Variants in IRAK2 observed in about 807,000 individuals in gnomAD.
IRAK2 encodes interleukin-1 receptor-associated kinase-like 2.
In IRAK2, 57 loss-of-function variants were observed where a neutral mutation model predicts 72.0. The ratio of observed to expected loss-of-function variants is 0.79; its 90% CI spans 0.64 to 0.99. The LOEUF (loss-of-function observed/expected upper bound fraction) is 0.99. Ranked by LOEUF, IRAK2 falls within the 50% of genes least tolerant of loss-of-function variation. The probability of loss-of-function intolerance (pLI) is 0.00; values close to 1 mark genes in which losing one functional copy is unlikely to be tolerated. For missense variants in IRAK2, 790 were observed against 794.4 expected, an observed-to-expected ratio of 0.99 and a Z score of 0.07; for synonymous variants, 293 against 312.7, an observed-to-expected ratio of 0.94 and a Z score of 0.67.
chr3:10,225,998 C>T (rs1209695437), intron 9 of IRAK2, among the ~76,000 whole-genome samples: 2 of 152,140 alleles, frequency 1.3e-5, no homozygotes, highest in Admixed American at 6.6e-5. Context: ...CGTGCCCAGC[C>T]AGCTGAAGGA....
At chr3:10,177,719 T>C in intron 1 of IRAK2, 119 bp from the exon 2 acceptor site, 2 of 941,972 alleles carry the variant, frequency 2.1e-6, no homozygotes, top group East Asian at 2.5e-5. Flanking sequence ...GTGTTTCCAG[T>C]GTGGAGGCGG....
In IRAK2 at chr3:10,200,460, T is replaced by A; in HGVS notation, c.369T>A (p.Ala123=). The change falls in exon 3 of 13, where the codon GCT becomes GCA. Residue 123 remains alanine, a synonymous_variant. Coordinates refer to ENST00000256458, the MANE Select transcript of IRAK2 (RefSeq NM_001570.4). ...EKPLAASVRK[A]EDEQEEGQPV... is the part of the protein sequence containing the mutation. Reference sequence around the variant, plus strand: ...CTTTGGCAGCTTCTGTAAGAAAGGCTGAGGATGAACAGGAAGAGGGGCAGC... The same window carrying A: ...CTTTGGCAGCTTCTGTAAGAAAGGCAGAGGATGAACAGGAAGAGGGGCAGC... The A allele has an allele frequency of 6.2e-7, 1 of 1,607,884 alleles. No individual in the cohort carries two copies. The highest frequency in any genetic ancestry group is 8.5e-7 in the Non-Finnish European group (1 of 1,174,920).
At chr3:10,212,609 A>AT (rs1343836934) in intron 4 of IRAK2, among the ~76,000 whole-genome samples, 1 of 152,156 alleles carries the variant, frequency 6.6e-6, no homozygotes, top group East Asian at 1.9e-4. Flanking sequence ...GAATACTCAC[A>AT]TCTTAGTCTT....
intron 10 of IRAK2, among the ~76,000 whole-genome samples, chr3:10,229,024 C>G (rs182205328): frequency 0.019 from 2,906 of 152,038 alleles, 79 homozygotes; most frequent in African/African-American, 0.063. Flanking sequence ...ACCTCCACCC[C>G]CCGGGTTCAA....
intron 2 of IRAK2, among the ~76,000 whole-genome samples, chr3:10,186,953 C>T (rs768227952): frequency 8.8e-5 from 13 of 147,802 alleles, no homozygotes; most frequent in South Asian, 4.2e-4. Flanking sequence ...GTGCAAACCA[C>T]CATGCCCAGC....
At chr3:10,237,805 CAAAAAAA>C (rs751642671) in intron 11 of IRAK2, among the ~76,000 whole-genome samples, 8 of 55,808 alleles carry the variant, frequency 1.4e-4, no homozygotes, top group Non-Finnish European at 1.2e-4. Flanking sequence ...GACTCTGTCT[CAAAAAAA>C]AAAAAAAAAA....
chr3:10,226,490 G>A, intron 10 of IRAK2, 57 bp downstream of exon 10: 1 of 1,420,696 alleles, frequency 7.0e-7, no homozygotes, highest in Non-Finnish European at 9.9e-7. Context: ...CAGCTCTGTA[G>A]AGAGGGCAAC....
At chr3:10,188,474 C>T (rs1053119236) in intron 2 of IRAK2, among the ~76,000 whole-genome samples, 4 of 152,062 alleles carry the variant, frequency 2.6e-5, no homozygotes, top group Admixed American at 2.6e-4. Flanking sequence ...GCTGGGATTA[C>T]AGGCATGCAC....
chr3:10,230,715 C>T (rs1408488446), intron 10 of IRAK2, among the ~76,000 whole-genome samples: 3 of 151,710 alleles, frequency 2.0e-5, no homozygotes, highest in Non-Finnish European at 4.4e-5. Flanking sequence ...ACCACAGGCA[C>T]GTGCCGCCAC....
At chr3:10,242,071 A>G in intron 12 of IRAK2, 45 bp from the exon 13 acceptor site, 4 of 1,079,036 alleles carry the variant, frequency 3.7e-6, no homozygotes, top group East Asian at 2.4e-5. Flanking sequence ...TAATAATAGT[A>G]ACTTTCATTC....
In IRAK2 at chr3:10,200,447, C is replaced by A. The variant is rs369276483; in HGVS notation, c.356C>A (p.Ser119Tyr). The change falls in exon 3 of 13, where the codon TCT becomes TAT. Residue 119 changes from serine (S) to tyrosine (Y), a missense_variant. Coordinates refer to ENST00000256458, the MANE Select transcript of IRAK2 (RefSeq NM_001570.4). Reference sequence around the variant, plus strand: ...AAGCCAGAAAAGCCTTTGGCAGCTTCTGTAAGAAAGGCTGAGGATGAACAG... The same window carrying A: ...AAGCCAGAAAAGCCTTTGGCAGCTTATGTAAGAAAGGCTGAGGATGAACAG... ...SVKPEKPLAA[S>Y]VRKAEDEQEE... 6.2e-7 allele frequency: 1 copy of A among 1,608,866 alleles called. No individual in the cohort carries two copies. The highest frequency in any genetic ancestry group is 1.3e-5 in the African/African-American group (1 of 74,998).
chr3:10,221,248 ATTTTTTT>A (rs34742796), intron 8 of IRAK2, among the ~76,000 whole-genome samples: 5 of 89,714 alleles, frequency 5.6e-5, no homozygotes, highest in Admixed American at 1.5e-4. Flanking sequence ...AAAAAAAAAA[ATTTTTTT>A]TTTTTTTTTT....
chr3:10,209,810 A>T (rs555097908), intron 4 of IRAK2, 118 bp downstream of exon 4: 1 of 528,052 alleles, frequency 1.9e-6, no homozygotes, highest in African/African-American at 1.9e-5. Flanking sequence ...GAGAAAGGAA[A>T]TTGCCATCAA....
At chr3:10,213,119 C>G in intron 4 of IRAK2, 88 bp from the exon 5 acceptor site, 3 of 1,114,916 alleles carry the variant, frequency 2.7e-6, no homozygotes, top group South Asian at 2.8e-5. Flanking sequence ...CCCTCCATCC[C>G]TCCATCTCTG....
chr3:10,185,416 G>T (rs1312312147), intron 2 of IRAK2, among the ~76,000 whole-genome samples: 2 of 150,656 alleles, frequency 1.3e-5, no homozygotes, highest in Non-Finnish European at 2.9e-5. Flanking sequence ...AATTAGCCGG[G>T]CGTGGTGGTG....
At position 10,234,466 on chromosome 3, in the gene IRAK2, TAC is replaced by T. The variant is rs1276846531; in HGVS notation, c.1281_1282del (p.Leu427PhefsTer4). On this transcript the variant is annotated frameshift_variant, in exon 11 of 13. Transcript: ENST00000256458. LOFTEE classifies it high-confidence loss of function. The stretch of plus-strand genomic sequence containing the variant: ...CTACCCTTCTTCCCACAGAAGGACT[TAC>T]TCCTCAGTGATATTCCAAGCAGCAC... 6.2e-7 allele frequency: 1 copy of T among 1,614,064 alleles called. No individual in the cohort carries two copies. The highest frequency in any genetic ancestry group is 1.1e-5 in the South Asian group (1 of 91,080).
At chr3:10,234,863 G>C (rs1697928184) in intron 11 of IRAK2, among the ~76,000 whole-genome samples, 1 of 152,224 alleles carries the variant, frequency 6.6e-6, no homozygotes, top group African/African-American at 2.4e-5. Flanking sequence ...AGGGCCTCAG[G>C]GCGCAGGACC....
chr3:10,188,687 C>T (rs931444162), intron 2 of IRAK2, among the ~76,000 whole-genome samples: 18 of 152,226 alleles, frequency 1.2e-4, no homozygotes, highest in African/African-American at 3.9e-4. Context: ...CCACCACGCC[C>T]GGCTTATTTT....
At chr3:10,236,353 T>G (rs1039801318) in intron 11 of IRAK2, among the ~76,000 whole-genome samples, 14 of 148,862 alleles carry the variant, frequency 9.4e-5, no homozygotes, top group African/African-American at 3.0e-4. Flanking sequence ...TTTTTTTTTT[T>G]TTTTTTTTTT....
Sources: gnomAD v4.1 joint callset for allele counts (sites outside exome capture counted in the v4.1 genomes callset) on GRCh38, gnomAD v4.1.1 for gene constraint, MANE v1.5 for transcripts, NCBI Gene and HGNC (gene_info 2026-07-23, HGNC 2026-07-21) for gene names.